The following STS variants were observed in gnomAD, a reference collection of about 807,000 sequenced individuals.
STS encodes the protein steroid sulfatase.
STS carries 7 observed loss-of-function variants against 26.8 expected under a neutral mutation model. The observed-to-expected ratio is 0.26, with a 90% CI of 0.15 to 0.49. STS has a LOEUF of 0.49. Among genes scored for constraint, STS ranks in the 20% least tolerant of loss-of-function variants. The probability of loss-of-function intolerance (pLI) is 0.98; values close to 1 mark genes in which losing one functional copy is unlikely to be tolerated. For missense variants in STS, 434 were observed against 465.6 expected (o/e 0.93, Z 0.63); for synonymous variants, 199 against 189.4 (o/e 1.05, Z -0.42).
intron 2 of STS, among the ~76,000 whole-genome samples, chrX:7,219,902 G>A (rs1249967405): frequency 1.8e-5 from 2 of 112,605 alleles, no homozygotes; most frequent in African/African-American, 6.5e-5. Context: ...GGTTATAAAT[G>A]CGGCTAATTA....
intron 8 of STS, 133 bp from the exon 9 acceptor site, chrX:7,325,206 A>G: frequency 3.1e-6 from 2 of 649,716 alleles, no homozygotes; most frequent in Middle Eastern, 3.1e-4. Context: ...TTGCTCATGG[A>G]ATACTCATAG....
At position 7,325,274 on chromosome X, in the gene STS, T is replaced by C. The variant is rs1415608102; in HGVS notation, c.1082-65T>C. On this transcript the variant is annotated intron_variant, in intron 8 of 10. Coordinates refer to ENST00000674429, the MANE Select transcript of STS (RefSeq NM_001320752.2). ...TCTACATTGAGCACGAAAGAGTCCA[T>C]TGAAGTGAGCATTGAAAGGATTGAA... is the stretch of plus-strand genomic sequence containing the variant. 6.1e-5 allele frequency: 69 copies of C among 1,136,938 alleles called. 1 individual carries two copies. The highest frequency in any genetic ancestry group is 8.0e-5 in the Non-Finnish European group (67 of 834,559). 93.7% of individuals were successfully genotyped at this position (1,136,938 alleles called of 1,213,427 possible).
At chrX:7,221,876 G>A (rs901524794) in intron 2 of STS, among the ~76,000 whole-genome samples, 6 of 111,878 alleles carry the variant, frequency 5.4e-5, no homozygotes. Context: ...ATTTGCATAA[G>A]CACTGTTATA....
chrX:7,234,891 G>A (rs1293875858), intron 2 of STS, among the ~76,000 whole-genome samples: 2 of 111,481 alleles, frequency 1.8e-5, no homozygotes, highest in Non-Finnish European at 3.8e-5. Flanking sequence ...CCAATGAAGA[G>A]ATCATTTAAA....
In STS at chrX:7,289,607, T is replaced by C. The variant is rs370187128; in HGVS notation, c.943+13520T>C. Among the ~76,000 whole-genome samples, 4 of 111,616 alleles carry C rather than the reference T, an allele frequency of 3.6e-5. 1 individual carries two copies. The East Asian group carries it at 1.1e-3, about 32-fold the overall frequency. On this transcript the variant is annotated intron_variant, in intron 7 of 10. Coordinates refer to ENST00000674429, the MANE Select transcript of STS (RefSeq NM_001320752.2). The stretch of plus-strand genomic sequence containing the variant: ...GTGGAATCTCATCTGTATCCAGGTG[T>C]ACAGCCATGTCCCCCACTCAGATTC...
chrX:7,158,421 A>G (rs1489220593), intron 1 of STS, among the ~76,000 whole-genome samples: 2 of 112,375 alleles, frequency 1.8e-5, no homozygotes, highest in African/African-American at 6.5e-5. Flanking sequence ...AAGAGACAAC[A>G]TCGCCCGCAT....
chrX:7,248,679 T>G (rs1422774819), intron 2 of STS, among the ~76,000 whole-genome samples: 2 of 112,231 alleles, frequency 1.8e-5, no homozygotes, highest in Non-Finnish European at 3.8e-5. Context: ...TTTTCTTGTT[T>G]TTTTAAGATT....
chrX:7,154,390 G>A (rs2146955848), intron 1 of STS, among the ~76,000 whole-genome samples: 1 of 112,687 alleles, frequency 8.9e-6, no homozygotes, highest in South Asian at 3.6e-4. Context: ...AGATGAAAGA[G>A]TGATTCGTTT....
chrX:7,319,936 T>C (rs1926884883), intron 8 of STS, among the ~76,000 whole-genome samples: 1 of 96,542 alleles, frequency 1.0e-5, no homozygotes. Context: ...TTTATATATA[T>C]ATATTTTTAT....
intron 6 of STS, among the ~76,000 whole-genome samples, chrX:7,265,022 G>GTT (rs66982354): frequency 8.5e-5 from 7 of 82,073 alleles, no homozygotes; most frequent in East Asian, 3.7e-4. Flanking sequence ...ATTTTATTCT[G>GTT]TTTTTTTTTT....
At chrX:7,323,742 A>C (rs1289548844) in intron 8 of STS, among the ~76,000 whole-genome samples, 1 of 112,027 alleles carries the variant, frequency 8.9e-6, no homozygotes, top group Non-Finnish European at 1.9e-5. Flanking sequence ...ACCATGAATT[A>C]AATGGGTCCT....
At chrX:7,330,211 A>T (rs1189890453) in intron 9 of STS, among the ~76,000 whole-genome samples, 1 of 112,162 alleles carries the variant, frequency 8.9e-6, no homozygotes, top group African/African-American at 3.2e-5. Context: ...TACAAAAAAG[A>T]AGAATCGAAT....
chrX:7,320,166 ATATT>A (rs1926958143), intron 8 of STS, among the ~76,000 whole-genome samples: 2 of 98,964 alleles, frequency 2.0e-5, no homozygotes, highest in African/African-American at 3.7e-5. Context: ...TTTATTATAT[ATATT>A]TTATTTTATA....
chrX:7,234,586 G>A (rs1466092927), intron 2 of STS, among the ~76,000 whole-genome samples: 3 of 111,934 alleles, frequency 2.7e-5, no homozygotes, highest in African/African-American at 9.8e-5. Context: ...GGCAGCTCTG[G>A]CCTCTTAGCT....
intron 1 of STS, among the ~76,000 whole-genome samples, chrX:7,176,698 G>A (rs1331869968): frequency 1.8e-5 from 2 of 111,489 alleles, no homozygotes; most frequent in East Asian, 5.7e-4. Flanking sequence ...GAGTGAAGGA[G>A]GAAGCCCCTT....
intron 2 of STS, among the ~76,000 whole-genome samples, chrX:7,237,010 A>G (rs1015448907): frequency 7.2e-5 from 8 of 111,028 alleles, no homozygotes; most frequent in Non-Finnish European, 9.4e-5. Context: ...CAGCAAATTT[A>G]CATCATAAGG....
intron 8 of STS, among the ~76,000 whole-genome samples, chrX:7,311,434 G>A (rs1325461006): frequency 9.0e-6 from 1 of 111,645 alleles, no homozygotes; most frequent in African/African-American, 3.3e-5. Flanking sequence ...GGCTCCCTAC[G>A]AAACCTCTAG....
In STS at chrX:7,325,058, T is replaced by C. The variant is rs372429074; in HGVS notation, c.1082-281T>C. ...CTCCAGAGTCATTGATTTGAATCTT[T>C]GGTGACTCAAATCTTTGTTGCGTTG... On this transcript the variant is annotated intron_variant, in intron 8 of 10. Transcript: ENST00000674429. Among the ~76,000 whole-genome samples, 10 of 112,081 alleles carry C rather than the reference T, an allele frequency of 8.9e-5. No homozygotes were observed. In the South Asian group the frequency reaches 3.8e-3, roughly 42 times the overall value.
At chrX:7,271,392 A>G (rs1330322172) in intron 6 of STS, among the ~76,000 whole-genome samples, 1 of 110,703 alleles carries the variant, frequency 9.0e-6, no homozygotes, top group Non-Finnish European at 1.9e-5. Context: ...CCCAGGTGTG[A>G]GTAAACTTTC....
Sources: allele counts gnomAD v4.1 joint callset (sites outside exome capture counted in the v4.1 genomes callset), GRCh38; gene constraint gnomAD v4.1.1; transcripts MANE v1.5; gene names NCBI Gene and HGNC (gene_info 2026-07-23, HGNC 2026-07-21).